Variants in DNM2 observed in about 807,000 individuals in gnomAD.
DNM2 encodes dynamin 2, also known as dynamin-2.
A neutral mutation model predicts 99.0 loss-of-function variants in DNM2; 15 were observed. The ratio of observed to expected loss-of-function variants is 0.15; its 90% CI spans 0.10 to 0.23. DNM2 has a LOEUF of 0.23. Ranked by LOEUF, DNM2 falls within the 10% of genes least tolerant of loss-of-function variation. The pLI is 1.00. For missense variants in DNM2, 742 were observed against 1,189.4 expected (o/e 0.62, Z 5.53); for synonymous variants, 525 against 481.2 (o/e 1.09, Z -1.19).
Position 10,720,203 on chromosome 19 carries a change from T to A in DNM2, c.161+1800T>A, listed in dbSNP as rs1475093357. ...TCTCCTAAACAAGTTTATTTTATTT[T>A]ATTTATTTATTTATTTTTTTTTTTT... On this transcript the variant is annotated intron_variant, in intron 1 of 20. Transcript: ENST00000389253. Among the ~76,000 whole-genome samples, 4 of 145,418 alleles carry A rather than the reference T, an allele frequency of 2.8e-5. No homozygotes were observed. In the East Asian group the frequency reaches 6.5e-4, roughly 24 times the overall value.
rs553086932 is a variant in DNM2 at position 10,740,407 on chromosome 19, G to A, written c.162-19331G>A. 3.5e-3 allele frequency among the ~76,000 whole-genome samples: 524 copies of A among 149,072 alleles called. 2 individuals carry two copies. Among genetic ancestry groups the A allele is most frequent in the Admixed American group, 0.01 (154 of 14,912 alleles). ...TTTTTTTTTTTTGAGACGGAGTCTC[G>A]CTCTGTCGCCCAGGCTGGAGTGCAG... is the stretch of plus-strand genomic sequence containing the variant. On this transcript the variant is annotated intron_variant, in intron 1 of 20. Coordinates refer to ENST00000389253, the MANE Select transcript of DNM2 (RefSeq NM_001005361.3).
intron 1 of DNM2, among the ~76,000 whole-genome samples, chr19:10,723,215 A>G (rs544078050): frequency 1.3e-3 from 189 of 140,204 alleles, no homozygotes; most frequent in Non-Finnish European, 2.3e-3. Flanking sequence ...GCTCACCGCA[A>G]CCTCCCCTCC....
intron 5 of DNM2, among the ~76,000 whole-genome samples, chr19:10,779,076 G>C (rs924932514): frequency 6.6e-6 from 1 of 151,878 alleles, no homozygotes; most frequent in Non-Finnish European, 1.5e-5. Flanking sequence ...TTAGCCAGGC[G>C]TGGTGGCACA....
chr19:10,727,069 C>A (rs372742481), intron 1 of DNM2, among the ~76,000 whole-genome samples: 17 of 152,238 alleles, frequency 1.1e-4, no homozygotes, highest in Admixed American at 1.0e-3. Flanking sequence ...GTGAAAAGAC[C>A]GGAAAGACAT....
Position 10,722,972 on chromosome 19 carries a change from C to CT in DNM2, c.161+4581dup, listed in dbSNP as rs1021479133. Among the ~76,000 whole-genome samples the CT allele has an allele frequency of 4.1e-3, 598 of 144,342 alleles. 4 individuals carry two copies. The highest frequency in any genetic ancestry group is 0.014 in the South Asian group (64 of 4,532). 94.7% of individuals were successfully genotyped at this position (144,342 alleles called of 152,430 possible). On this transcript the variant is annotated intron_variant, in intron 1 of 20. Coordinates refer to ENST00000389253, the MANE Select transcript of DNM2 (RefSeq NM_001005361.3). ...GTTATAATAGCACTTCTTTCCCTTT[C>CT]TTTTTTTTTTTTGAGACGGAGTCTG...
chr19:10,799,534 G>GTTTT (rs897961120), intron 11 of DNM2, among the ~76,000 whole-genome samples: 3 of 106,518 alleles, frequency 2.8e-5, no homozygotes, highest in African/African-American at 7.4e-5. Flanking sequence ...GTGGTTTTTT[G>GTTTT]TTTTTTTTTT....
At chr19:10,800,489 C>G (rs2072096986) in intron 11 of DNM2, among the ~76,000 whole-genome samples, 1 of 152,240 alleles carries the variant, frequency 6.6e-6, no homozygotes. Flanking sequence ...CTGGTGCCCA[C>G]CTGCCATGCT....
At chr19:10,752,140 TA>T (rs2070219010) in intron 1 of DNM2, among the ~76,000 whole-genome samples, 2 of 152,156 alleles carry the variant, frequency 1.3e-5, no homozygotes, top group Non-Finnish European at 2.9e-5. Context: ...TCTTTGTAAA[TA>T]AGGGAAGGAA....
At position 10,820,985 on chromosome 19, in the gene DNM2, A is replaced by G. The variant is rs114906716; in HGVS notation, c.1781+896A>G. On this transcript the variant is annotated intron_variant, in intron 16 of 20. Transcript: ENST00000389253. This position sits in a 1 kb window ranked among gnomAD's most constrained non-coding sequence, Gnocchi z 4.3. Reference sequence around the variant, plus strand: ...CATGCTCACACAATCACGCTCATCCAGGAAGCAGGGCCCACCTGAGTCAGG... The same window carrying G: ...CATGCTCACACAATCACGCTCATCCGGGAAGCAGGGCCCACCTGAGTCAGG... Among the ~76,000 whole-genome samples the G allele has an allele frequency of 1.7e-3, 254 of 152,282 alleles. 2 individuals are homozygous for G. Among genetic ancestry groups the G allele is most frequent in the African/African-American group, 5.9e-3 (245 of 41,564 alleles).
rs1234478593 is a variant in DNM2 at position 10,830,265 on chromosome 19, A to G, written c.2430A>G (p.Pro810=). The part of the protein sequence containing the change: ...AAASFSAPPI[P]SRPGPQSVFA... ...CCTCCTTCTCGGCGCCCCCAATCCC[A>G]TCCCGGCCTGGACCCCAGAGCGTGT... Residue 810 remains proline, a synonymous_variant, in exon 20 of 21, where the codon CCA becomes CCG. Transcript: ENST00000389253. This position sits in a 1 kb window ranked among gnomAD's most constrained non-coding sequence, Gnocchi z 4.8. 6.2e-7 allele frequency: 1 copy of G among 1,613,162 alleles called. No individual in the cohort carries two copies. Among genetic ancestry groups the G allele is most frequent in the Admixed American group, 1.7e-5 (1 of 59,942 alleles).
rs565953888 is a variant in DNM2, at chr19:10,764,191, C to T, written c.235+4380C>T. 2.6e-5 allele frequency among the ~76,000 whole-genome samples: 4 copies of T among 152,242 alleles called. No homozygotes were observed. Among genetic ancestry groups the T allele is most frequent in the Admixed American group, 6.5e-5 (1 of 15,288 alleles). On this transcript the variant is annotated intron_variant, in intron 2 of 20. Coordinates refer to ENST00000389253, the MANE Select transcript of DNM2 (RefSeq NM_001005361.3). The surrounding 1 kb of genome is among the most constrained non-coding windows in gnomAD (Gnocchi z 4.1). ...AACCAGGCTGCCACCCTTTACTGGC[C>T]CGGGACTTGTTAAAGTGACTTCCCT...
At chr19:10,739,934 C>A (rs987485409) in intron 1 of DNM2, among the ~76,000 whole-genome samples, 11 of 147,680 alleles carry the variant, frequency 7.4e-5, no homozygotes, top group Non-Finnish European at 1.3e-4. Context: ...CTTTGTGGGA[C>A]GTTTTTTGAA....
Position 10,829,173 on chromosome 19 carries a change from G to C in DNM2, c.2196G>C (p.Ala732=). ...MLRMYHALKE[A]LNIIGDISTS... is the part of the protein sequence containing the mutation. ...GCATGTACCATGCCCTCAAGGAGGC[G>C]CTCAACATCATCGGTGACATCAGCA... Residue 732 remains alanine, a synonymous_variant, in exon 19 of 21, where the codon GCG becomes GCC. Transcript: ENST00000389253. The C allele has an allele frequency of 6.2e-7, 1 of 1,614,040 alleles. No homozygotes were observed. Among genetic ancestry groups the C allele is most frequent in the Non-Finnish European group, 8.5e-7 (1 of 1,180,020 alleles).
intron 18 of DNM2, among the ~76,000 whole-genome samples, chr19:10,825,693 A>AGAGAG (rs546612795): frequency 6.6e-6 from 1 of 150,498 alleles, no homozygotes; most frequent in African/African-American, 2.5e-5. Flanking sequence ...AGAGAGAGAG[A>AGAGAG]AAAATACAAA....
rs2072927829 is a variant in DNM2, at chr19:10,820,176, C to A, written c.1781+87C>A. On this transcript the variant is annotated intron_variant, in intron 16 of 20. Transcript: ENST00000389253. This position sits in a 1 kb window ranked among gnomAD's most constrained non-coding sequence, Gnocchi z 4.3. ...CACAACCTTCACTGAGCACTGAGCA[C>A]CTGGCTGTCAGCAGTCCCTGCCCTT... The A allele has an allele frequency of 7.5e-7, 1 of 1,334,766 alleles. No individual in the cohort carries two copies. The highest frequency in any genetic ancestry group is 1.1e-6 in the Non-Finnish European group (1 of 931,518). The allele number at this position is 1,334,766 out of a possible 1,614,324, so 82.7% of individuals were successfully genotyped here. A position where few individuals can be genotyped will look rare whatever the true frequency, so the allele number is the denominator to read the frequency against.
At chr19:10,768,327 G>A (rs913598513) in intron 2 of DNM2, among the ~76,000 whole-genome samples, 5 of 152,056 alleles carry the variant, frequency 3.3e-5, no homozygotes, top group Non-Finnish European at 5.9e-5. Flanking sequence ...GGTGGCGGGC[G>A]CCTGTCGTCC....
Position 10,812,220 on chromosome 19 carries a change from G to A in DNM2, c.1558-44G>A, listed in dbSNP as rs1349543101. ...GGCTGCTGCGCTGGGGGATGGCTGG[G>A]GCACGGAGCGAGGTTCCCTGCTAAG... On this transcript the variant is annotated intron_variant, in intron 14 of 20. Coordinates refer to ENST00000389253, the MANE Select transcript of DNM2 (RefSeq NM_001005361.3). The surrounding 1 kb of genome is among the most constrained non-coding windows in gnomAD (Gnocchi z 4.0). The A allele has an allele frequency of 4.6e-6, 7 of 1,513,422 alleles. No individual in the cohort carries two copies. The Admixed American group carries it at 7.9e-5, about 17-fold the overall frequency. 93.7% of individuals were successfully genotyped at this position (1,513,422 alleles called of 1,614,324 possible). A position where few individuals can be genotyped will look rare whatever the true frequency, so the allele number is the denominator to read the frequency against.
chr19:10,727,231 C>T (rs949846943), intron 1 of DNM2, among the ~76,000 whole-genome samples: 3 of 152,126 alleles, frequency 2.0e-5, no homozygotes, highest in South Asian at 2.1e-4. Flanking sequence ...TACTTATTGA[C>T]GGATAACAGC....
At chr19:10,718,518 G>T (rs2068826735) in intron 1 of DNM2, 115 bp downstream of exon 1, 2 of 1,246,272 alleles carry the variant, frequency 1.6e-6, no homozygotes, top group South Asian at 3.0e-5. Flanking sequence ...TGCCCGCGGC[G>T]GGGAACCGGA....
Sources: gnomAD v4.1 joint callset for allele counts (sites outside exome capture counted in the v4.1 genomes callset) on GRCh38, gnomAD v4.1.1 for gene constraint, Gnocchi (gnomAD v3.1) non-coding constraint, MANE v1.5 for transcripts, NCBI Gene and HGNC (gene_info 2026-07-23, HGNC 2026-07-21) for gene names.